Variants in LRRC45 observed in about 807,000 individuals in gnomAD.
LRRC45 encodes the protein leucine rich repeat containing 45, also known as leucine-rich repeat-containing protein 45.
A neutral mutation model predicts 85.4 loss-of-function variants in LRRC45; 73 were observed. That is an observed-to-expected ratio of 0.85 (90% confidence interval 0.71 to 1.04). LRRC45 has a LOEUF of 1.04. Ranked by LOEUF, LRRC45 falls within the 50% of genes least tolerant of loss-of-function variation. The probability of loss-of-function intolerance (pLI) is 0.00; values close to 1 mark genes in which losing one functional copy is unlikely to be tolerated. For synonymous variants in LRRC45, 429 were observed against 386.0 expected, an observed-to-expected ratio of 1.11 and a Z score of -1.31; for missense variants, 937 against 883.3, an observed-to-expected ratio of 1.06 and a Z score of -0.77.
At position 82,030,597 on chromosome 17, in the gene LRRC45, CT is replaced by C; in HGVS notation, c.1817-10del. On this transcript the variant is annotated splice_polypyrimidine_tract_variant and intron_variant, in intron 16 of 16. Transcript: ENST00000306688. Reference sequence around the variant, plus strand: ...GGGGCTGCGTCCGCTCACTGCGCTCCTTGCCCTGCAGTGATGGCGAGCGACC... The same window carrying C: ...GGGGCTGCGTCCGCTCACTGCGCTCCTGCCCTGCAGTGATGGCGAGCGACC... 1 of 1,462,732 alleles carries C rather than the reference CT, an allele frequency of 6.8e-7. No homozygotes were observed. Among genetic ancestry groups the C allele is most frequent in the Non-Finnish European group, 9.0e-7 (1 of 1,111,074 alleles). The allele number at this position is 1,462,732 out of a possible 1,614,324, so 90.6% of individuals were successfully genotyped here.
In LRRC45 at chr17:82,029,727, G is replaced by A. The variant is rs920732508; in HGVS notation, c.1494+92G>A. The A allele has an allele frequency of 7.0e-6, 9 of 1,279,260 alleles. No homozygotes were observed. The Admixed American group carries it at 1.0e-4, about 14-fold the overall frequency. The allele number at this position is 1,279,260 out of a possible 1,614,324, so 79.2% of individuals were successfully genotyped here. Reference sequence around the variant, plus strand: ...ACTCCAGAGCTTCGGTCTGAGTGGGGAGGCGGGAGTGTGGTGTTGAGGTCA... The same window carrying A: ...ACTCCAGAGCTTCGGTCTGAGTGGGAAGGCGGGAGTGTGGTGTTGAGGTCA... On this transcript the variant is annotated intron_variant, in intron 14 of 16. Transcript: ENST00000306688.
intron 5 of LRRC45, among the ~76,000 whole-genome samples, chr17:82,026,396 A>G (rs1201241321): frequency 6.6e-6 from 1 of 152,030 alleles, no homozygotes; most frequent in Non-Finnish European, 1.5e-5. Context: ...TCACAGCCCG[A>G]ACCCCACAAA....
chr17:82,030,763 C>T lies in LRRC45; in HGVS notation c.1971C>T (p.Tyr657=). The T allele has an allele frequency of 2.1e-6, 3 of 1,445,196 alleles. No individual in the cohort carries two copies. Among genetic ancestry groups the T allele is most frequent in the South Asian group, 2.9e-5 (2 of 69,832 alleles). The allele number at this position is 1,445,196 out of a possible 1,614,324, so 89.5% of individuals were successfully genotyped here. A position where few individuals can be genotyped will look rare whatever the true frequency, so the allele number is the denominator to read the frequency against. The change falls in exon 17 of 17, where the codon TAC becomes TAT. Residue 657 remains tyrosine (Y), a synonymous_variant. Coordinates refer to ENST00000306688, the MANE Select transcript of LRRC45 (RefSeq NM_144999.4). The stretch of plus-strand genomic sequence containing the variant: ...TCCTGCAGAACGCCGTCCTGGCTTA[C>T]GTGCAGGCGTCCCCCGTGAGGACCC... ...ASFLQNAVLA[Y]VQASPVRTLS...
At position 82,030,244 on chromosome 17, in the gene LRRC45, CGGGGCTCCGGTGG is replaced by C. The variant is rs1568016786; in HGVS notation, c.1668+12_1668+24del. 1.3e-6 allele frequency: 2 copies of C among 1,532,660 alleles called. No homozygotes were observed. Among genetic ancestry groups the C allele is most frequent in the South Asian group, 2.4e-5 (2 of 82,868 alleles). The allele number at this position is 1,532,660 out of a possible 1,614,324, so 94.9% of individuals were successfully genotyped here. ...GCCTGGAAGAGCTGCAGCAGGTAGG[CGGGGCTCCGGTGG>C]GGGGCCCCGGGCGTGCTAGCCCCCA... is the stretch of plus-strand genomic sequence containing the variant. On this transcript the variant is annotated splice_region_variant and intron_variant, in intron 15 of 16. Transcript: ENST00000306688.
At chr17:82,023,904 T>C in intron 1 of LRRC45, 41 bp downstream of exon 1, 1 of 1,510,268 alleles carries the variant, frequency 6.6e-7, no homozygotes, top group Non-Finnish European at 8.9e-7. Context: ...GCTCCTTAGC[T>C]GCCCACACCA....
At position 82,024,704 on chromosome 17, in the gene LRRC45, TCGGGCTGCAGGGGC is replaced by T; in HGVS notation, c.297_310del (p.Ala100GlyfsTer79). The T allele has an allele frequency of 6.4e-7, 1 of 1,572,440 alleles. No individual in the cohort carries two copies. The highest frequency in any genetic ancestry group is 8.6e-7 in the Non-Finnish European group (1 of 1,163,170). On this transcript the variant is annotated frameshift_variant, in exon 3 of 17. Coordinates refer to ENST00000306688, the MANE Select transcript of LRRC45 (RefSeq NM_144999.4). LOFTEE classifies it high-confidence loss of function. ...TGTTTCTCTCCTAGGGCAACAACCT[TCGGGCTGCAGGGGC>T]CGAGGCTCTGGGAAAACTCCTCCAA...
intron 13 of LRRC45, 103 bp downstream of exon 13, chr17:82,029,288 TC>T: frequency 1.7e-6 from 2 of 1,191,990 alleles, no homozygotes. Context: ...CTCTTCCTGT[TC>T]CCAGAGGCTC....
intron 8 of LRRC45, 59 bp from the exon 9 acceptor site, chr17:82,027,952 C>A: frequency 1.3e-6 from 2 of 1,552,342 alleles, no homozygotes; most frequent in Non-Finnish European, 1.7e-6. Flanking sequence ...AGCAGCGAGG[C>A]CTTTATAAGG....
intron 2 of LRRC45, 82 bp from the exon 3 acceptor site, chr17:82,024,611 C>A: frequency 6.8e-7 from 1 of 1,466,678 alleles, no homozygotes; most frequent in East Asian, 2.3e-5. Context: ...TGTCCCCTGG[C>A]TGACCAAGGC....
chr17:82,028,214 A>G lies in LRRC45; in HGVS notation c.1048-20A>G. On this transcript the variant is annotated intron_variant, in intron 9 of 16. Coordinates refer to ENST00000306688, the MANE Select transcript of LRRC45 (RefSeq NM_144999.4). Reference sequence around the variant, plus strand: ...GGCGGCTTCGTGACCCTCACTACCCATACCCCGTTCCCCTCCCAGGAAGCT... The same window carrying G: ...GGCGGCTTCGTGACCCTCACTACCCGTACCCCGTTCCCCTCCCAGGAAGCT... 6.4e-7 allele frequency: 1 copy of G among 1,564,610 alleles called. No homozygotes were observed. The highest frequency in any genetic ancestry group is 8.7e-7 in the Non-Finnish European group (1 of 1,154,528).
chr17:82,027,386 T>G lies in LRRC45; in HGVS notation c.775T>G (p.Phe259Val). ...QHLREEKSKQ[F>V]LDLMETIDKQ... Reference sequence around the variant, plus strand: ...GGGCTGCGGCTGTCTCTGTCCCCAGTTCCTCGACTTGATGGAGACTATTGA... The same window carrying G: ...GGGCTGCGGCTGTCTCTGTCCCCAGGTCCTCGACTTGATGGAGACTATTGA... The change falls in exon 7 of 17, where the codon TTC (phenylalanine) becomes GTC (valine). Residue 259 changes from phenylalanine to valine, a missense_variant and splice_region_variant. By Grantham distance (50) the Phe-to-Val change is conservative. Coordinates refer to ENST00000306688, the MANE Select transcript of LRRC45 (RefSeq NM_144999.4). The G allele has an allele frequency of 1.2e-6, 2 of 1,612,574 alleles. No individual in the cohort carries two copies. The highest frequency in any genetic ancestry group is 1.7e-6 in the Non-Finnish European group (2 of 1,179,926).
At position 82,023,531 on chromosome 17, in the gene LRRC45, G is replaced by A. The variant is rs575046873; in HGVS notation, c.-113G>A. ...GCCCACTCGGATTGCTCTCCGCCCGGGTCGGCGGAGGCCCCGTCTCCTGTA... is the reference window on the plus strand; with the variant it reads ...GCCCACTCGGATTGCTCTCCGCCCGAGTCGGCGGAGGCCCCGTCTCCTGTA... On this transcript the variant is annotated 5_prime_UTR_variant, in exon 1 of 17. Transcript: ENST00000306688. 2.3e-4 allele frequency: 216 copies of A among 949,636 alleles called. 1 individual carries two copies. The highest frequency in any genetic ancestry group is 1.4e-4 in the Non-Finnish European group (94 of 665,978). 58.8% of individuals were successfully genotyped at this position (949,636 alleles called of 1,614,324 possible).
rs771002076 is a variant in LRRC45, at chr17:82,030,620, G to A, written c.1828G>A (p.Asp610Asn). The change falls in exon 17 of 17, where the codon GAC (aspartate) becomes AAC (asparagine). Residue 610 changes from aspartate to asparagine, a missense_variant. Transcript: ENST00000306688. ...TCCTTGCCCTGCAGTGATGGCGAGCGACCACCGAGAGGCGCTGCTGGACAG... is the reference window on the plus strand; with the variant it reads ...TCCTTGCCCTGCAGTGATGGCGAGCAACCACCGAGAGGCGCTGCTGGACAG... ...LERQLKVMASDHREALLDRES... is the reference protein window; with the variant it reads ...LERQLKVMASNHREALLDRES... 3 of 1,396,062 alleles carry A rather than the reference G, an allele frequency of 2.1e-6. No homozygotes were observed. Among genetic ancestry groups the A allele is most frequent in the Non-Finnish European group, 1.9e-6 (2 of 1,077,472 alleles). 86.5% of individuals were successfully genotyped at this position (1,396,062 alleles called of 1,614,324 possible).
rs2043387342 is a variant in LRRC45, at chr17:82,028,385, GC to G, written c.1126-10del. The G allele has an allele frequency of 6.2e-7, 1 of 1,611,894 alleles. No individual in the cohort carries two copies. The highest frequency in any genetic ancestry group is 1.7e-5 in the Admixed American group (1 of 59,882). On this transcript the variant is annotated splice_polypyrimidine_tract_variant and intron_variant, in intron 10 of 16. Coordinates refer to ENST00000306688, the MANE Select transcript of LRRC45 (RefSeq NM_144999.4). ...CTGGGCTGCAGCTTCCCTCCCTGGT[GC>G]CGGCTTTCAGGTAGACGAGTTGGAG... is the stretch of plus-strand genomic sequence containing the variant.
rs1482247584 is a variant in LRRC45 at position 82,028,037 on chromosome 17, C to G, written c.938C>G (p.Ala313Gly). ...CTGCAGATGACAGAGGCCGCCCTGG[C>G]TCTGTCGGAGCAGAAGGCCCAGGAC... ...AKLQMTEAAL[A>G]LSEQKAQDLG... Residue 313 changes from alanine (A) to glycine (G), a missense_variant, in exon 9 of 17, where the codon GCT becomes GGT. Coordinates refer to ENST00000306688, the MANE Select transcript of LRRC45 (RefSeq NM_144999.4). The G allele has an allele frequency of 3.1e-6, 5 of 1,607,032 alleles. No homozygotes were observed. Among genetic ancestry groups the G allele is most frequent in the Non-Finnish European group, 3.4e-6 (4 of 1,178,266 alleles).
In LRRC45 at chr17:82,030,902, C is replaced by T. The variant is rs2043415538; in HGVS notation, c.*97C>T. 1.1e-5 allele frequency: 11 copies of T among 970,042 alleles called. No individual in the cohort carries two copies. The South Asian group carries it at 4.7e-4, about 42-fold the overall frequency. 60.1% of individuals were successfully genotyped at this position (970,042 alleles called of 1,614,324 possible). ...CCGCCCGCGCCGCCTCTTTGAGACC[C>T]GGGTCGTCTGTTCCACGCGGCGGTT... is the stretch of plus-strand genomic sequence containing the variant. On this transcript the variant is annotated 3_prime_UTR_variant, in exon 17 of 17. Transcript: ENST00000306688.
At chr17:82,025,826 G>C (rs534670328) in intron 5 of LRRC45, among the ~76,000 whole-genome samples, 1 of 152,170 alleles carries the variant, frequency 6.6e-6, no homozygotes, top group African/African-American at 2.4e-5. Flanking sequence ...CTGATGCTTC[G>C]GGTGGCCCAG....
At chr17:82,025,211 A>G in intron 4 of LRRC45, 33 bp downstream of exon 4, 1 of 1,563,072 alleles carries the variant, frequency 6.4e-7, no homozygotes, top group African/African-American at 1.4e-5. Flanking sequence ...AGGCTCCCTC[A>G]TCCCTCTGAG....
At chr17:82,024,134 A>C (rs1223421322) in intron 1 of LRRC45, 144 bp from the exon 2 acceptor site, 4 of 967,282 alleles carry the variant, frequency 4.1e-6, no homozygotes, top group Non-Finnish European at 6.0e-6. Context: ...ATGACTTCGC[A>C]GCGAGACTCT....
Sources: allele counts gnomAD v4.1 joint callset (sites outside exome capture counted in the v4.1 genomes callset), GRCh38; gene constraint gnomAD v4.1.1; transcripts MANE v1.5; gene names NCBI Gene and HGNC (gene_info 2026-07-23, HGNC 2026-07-21).